Variants in BLTP1 observed in about 807,000 individuals in gnomAD.
BLTP1 encodes fragile site-associated protein.
the BLTP1 span, chr4:122,246,240 C>A: frequency 8.3e-5 from 133 of 1,606,120 alleles, no homozygotes; most frequent in Non-Finnish European, 1.1e-4. Flanking sequence ...ACAAATCTTA[C>A]AATGAAGCAA....
the BLTP1 span, among the ~76,000 whole-genome samples, chr4:122,208,913 G>C: frequency 2.1e-5 from 3 of 145,754 alleles, no homozygotes; most frequent in Admixed American, 7.0e-5. Flanking sequence ...TCTAGTCCCA[G>C]CTACTTGGTA....
At chr4:122,358,545 C>T in the BLTP1 span, among the ~76,000 whole-genome samples, 3 of 152,142 alleles carry the variant, frequency 2.0e-5, no homozygotes, top group Admixed American at 6.5e-5. Context: ...ATACCAGAAT[C>T]AACATATTTA....
chr4:122,336,410 AG>A, the BLTP1 span: 11 of 1,201,946 alleles, frequency 9.2e-6, no homozygotes, highest in Middle Eastern at 2.0e-4. Flanking sequence ...CTTATTATAT[AG>A]AAGGTTTTCT....
chr4:122,307,723 C>T, the BLTP1 span: 4 of 985,106 alleles, frequency 4.1e-6, no homozygotes, highest in Non-Finnish European at 4.8e-6. Context: ...TTTTCTTCTT[C>T]CTTGTGCCAT....
the BLTP1 span, chr4:122,289,469 A>G: frequency 1.0e-6 from 1 of 979,668 alleles, no homozygotes; most frequent in Non-Finnish European, 1.2e-6. Flanking sequence ...ATGTCTATTA[A>G]CCAAATTAAT....
chr4:122,251,227 A>T, the BLTP1 span: 2 of 739,008 alleles, frequency 2.7e-6, no homozygotes, highest in Non-Finnish European at 3.3e-6. Context: ...GGTAATACAT[A>T]TGAAGGGCTT....
the BLTP1 span, chr4:122,174,384 T>C: frequency 1.0e-6 from 1 of 966,966 alleles, no homozygotes; most frequent in South Asian, 4.8e-5. Context: ...ATAGTGATCA[T>C]ATGTATGGCA....
chr4:122,234,669 A>G, the BLTP1 span: 1 of 1,237,034 alleles, frequency 8.1e-7, no homozygotes, highest in South Asian at 1.6e-5. Flanking sequence ...TCATTTAAAA[A>G]TATTTACAAT....
the BLTP1 span, chr4:122,355,720 G>C: frequency 7.0e-7 from 1 of 1,430,046 alleles, no homozygotes; most frequent in East Asian, 2.4e-5. Flanking sequence ...GTATATTATA[G>C]TTGTCTTGAA....
At chr4:122,261,764 T>C in the BLTP1 span, 10 of 978,770 alleles carry the variant, frequency 1.0e-5, no homozygotes, top group African/African-American at 1.8e-4. Flanking sequence ...CTTGGAGAAC[T>C]TAAGGATTAA....
chr4:122,292,440 C>T, the BLTP1 span: 2 of 835,638 alleles, frequency 2.4e-6, no homozygotes, highest in Non-Finnish European at 2.9e-6. Flanking sequence ...GTGTGCTAAG[C>T]AATGTAAAAA....
At chr4:122,166,106 T>C in the BLTP1 span, among the ~76,000 whole-genome samples, 3 of 152,196 alleles carry the variant, frequency 2.0e-5, no homozygotes, top group Non-Finnish European at 4.4e-5. Context: ...TTTTGGCTTT[T>C]GTTGCCATTG....
the BLTP1 span, chr4:122,318,410 C>G: frequency 1.4e-6 from 1 of 727,534 alleles, no homozygotes; most frequent in Non-Finnish European, 2.3e-6. Context: ...TAGGAGGTAG[C>G]TTGTGTTATT....
the BLTP1 span, among the ~76,000 whole-genome samples, chr4:122,242,407 A>G: frequency 0.05 from 7,604 of 152,294 alleles, 273 homozygotes; most frequent in Non-Finnish European, 0.075. Flanking sequence ...TTTCACTCGT[A>G]GAATCTAAGC....
At chr4:122,231,750 T>C in the BLTP1 span, 2 of 976,630 alleles carry the variant, frequency 2.0e-6, no homozygotes, top group African/African-American at 3.5e-5. Context: ...TTATTCTAGG[T>C]AAGGAGATAA....
the BLTP1 span, chr4:122,276,062 G>A: frequency 6.7e-7 from 1 of 1,481,856 alleles, no homozygotes; most frequent in Non-Finnish European, 9.1e-7. Context: ...TGTAATTACT[G>A]TAGTATTGAA....
At chr4:122,270,280 T>C in the BLTP1 span, 12 of 837,324 alleles carry the variant, frequency 1.4e-5, 1 homozygote, top group Admixed American at 5.6e-4. Flanking sequence ...GATTTTTTTC[T>C]TTTTGTTACA....
chr4:122,234,837 C>T, the BLTP1 span: 4 of 1,613,114 alleles, frequency 2.5e-6, no homozygotes, highest in Admixed American at 3.3e-5. Context: ...ATGTGGTTGT[C>T]TCGGTGGCTG....
the BLTP1 span, chr4:122,172,059 A>G: frequency 8.2e-6 from 5 of 606,440 alleles, no homozygotes; most frequent in Non-Finnish European, 1.0e-5. Flanking sequence ...CATCAAAATA[A>G]CTTTACAAAA....
Sources: gnomAD v4.1 joint callset for allele counts (sites outside exome capture counted in the v4.1 genomes callset) on GRCh38, gnomAD v4.1.1 for gene constraint, MANE v1.5 for transcripts, NCBI Gene and HGNC (gene_info 2026-07-23, HGNC 2026-07-21) for gene names.